Variants in LRRTM4 observed in about 807,000 individuals in gnomAD.
The protein encoded by LRRTM4 is leucine-rich repeat transmembrane neuronal protein 4.
LRRTM4 carries 25 observed loss-of-function variants against 47.6 expected under a neutral mutation model. That is an observed-to-expected ratio of 0.53 (90% CI 0.38 to 0.73). LRRTM4 has a LOEUF of 0.73. LRRTM4 is among the 30% of genes least tolerant of loss of function. The probability of loss-of-function intolerance (pLI) is 0.00; values close to 1 mark genes in which losing one functional copy is unlikely to be tolerated. For synonymous variants in LRRTM4, 311 were observed against 269.5 expected, an observed-to-expected ratio of 1.15 and a Z score of -1.51; for missense variants, 638 against 713.4, an observed-to-expected ratio of 0.89 and a Z score of 1.20.
intron 3 of LRRTM4, among the ~76,000 whole-genome samples, chr2:77,041,765 T>C (rs1447372619): frequency 1.7e-5 from 2 of 116,952 alleles, no homozygotes; most frequent in Non-Finnish European, 2.2e-5. Flanking sequence ...GCTAGTGAAT[T>C]GTTTGAGTTT....
At chr2:76,917,072 G>C (rs139973140) in intron 3 of LRRTM4, among the ~76,000 whole-genome samples, 67 of 152,202 alleles carry the variant, frequency 4.4e-4, no homozygotes, top group African/African-American at 1.6e-3. Flanking sequence ...TAGACCAGGG[G>C]TTGGCTACCT....
intron 3 of LRRTM4, among the ~76,000 whole-genome samples, chr2:77,011,737 A>T (rs1390268479): frequency 2.1e-4 from 32 of 152,112 alleles, no homozygotes; most frequent in Non-Finnish European, 1.5e-5. Flanking sequence ...CTTTATAGTT[A>T]ACATTATCTT....
At chr2:77,232,764 T>A (rs1675001139) in intron 3 of LRRTM4, among the ~76,000 whole-genome samples, 1 of 152,192 alleles carries the variant, frequency 6.6e-6, no homozygotes, top group African/African-American at 2.4e-5. Flanking sequence ...TATTACTAAA[T>A]TAGAACTTTA....
chr2:77,107,023 C>A (rs1671110925), intron 3 of LRRTM4, among the ~76,000 whole-genome samples: 1 of 151,948 alleles, frequency 6.6e-6, no homozygotes, highest in Non-Finnish European at 1.5e-5. Flanking sequence ...GTACATTTTT[C>A]TCAGCAATTT....
At chr2:77,051,518 T>C (rs1679430880) in intron 3 of LRRTM4, among the ~76,000 whole-genome samples, 1 of 152,174 alleles carries the variant, frequency 6.6e-6, no homozygotes, top group Non-Finnish European at 1.5e-5. Flanking sequence ...ATCATCTTAA[T>C]GCCTAAGACT....
intron 3 of LRRTM4, among the ~76,000 whole-genome samples, chr2:76,769,133 T>C (rs747300040): frequency 5.9e-5 from 9 of 152,084 alleles, no homozygotes; most frequent in Non-Finnish European, 1.0e-4. Flanking sequence ...TTCATGACCA[T>C]AAAAAGAGGC....
chr2:76,958,336 C>T (rs1419881967), intron 3 of LRRTM4, among the ~76,000 whole-genome samples: 1 of 151,712 alleles, frequency 6.6e-6, no homozygotes, highest in Admixed American at 6.6e-5. Context: ...GGTTTTCTGG[C>T]ATTGTGTACT....
intron 3 of LRRTM4, among the ~76,000 whole-genome samples, chr2:77,222,716 T>G (rs964890520): frequency 6.6e-6 from 1 of 152,132 alleles, no homozygotes; most frequent in Non-Finnish European, 1.5e-5. Flanking sequence ...CAATAATTAA[T>G]AGCTTACCAA....
At chr2:77,168,067 A>G (rs1483976526) in intron 3 of LRRTM4, among the ~76,000 whole-genome samples, 1 of 151,868 alleles carries the variant, frequency 6.6e-6, no homozygotes, top group African/African-American at 2.4e-5. Flanking sequence ...TTTTTGCAAT[A>G]CCCTTACTTT....
chr2:77,141,854 T>G (rs1239730164), intron 3 of LRRTM4, among the ~76,000 whole-genome samples: 1 of 152,138 alleles, frequency 6.6e-6, no homozygotes, highest in African/African-American at 2.4e-5. Flanking sequence ...AATCAACAGT[T>G]AAGAAAACAG....
chr2:77,226,293 G>A (rs897014704), intron 3 of LRRTM4, among the ~76,000 whole-genome samples: 18 of 151,606 alleles, frequency 1.2e-4, no homozygotes, highest in African/African-American at 4.3e-4. Flanking sequence ...GATGAGCACA[G>A]GTACGGTCAG....
At chr2:77,416,377 A>G (rs1479242812) in intron 3 of LRRTM4, among the ~76,000 whole-genome samples, 1 of 152,106 alleles carries the variant, frequency 6.6e-6, no homozygotes, top group Non-Finnish European at 1.5e-5. Flanking sequence ...CTACTTGTAG[A>G]TTGTTCAGTC....
Position 76,752,584 on chromosome 2 carries a change from C to A in LRRTM4, c.1552-3668G>T, listed in dbSNP as rs543873116. ...ATAGCAAGAATTCAAAAGCCAAGTG[C>A]ATTGGCAAGCTTTGAAAGAGTATCT... On this transcript the variant is annotated intron_variant, in intron 3 of 3. Coordinates refer to ENST00000409884, the MANE Select transcript of LRRTM4 (RefSeq NM_001134745.3). Among the ~76,000 whole-genome samples, 39 of 152,236 alleles carry A rather than the reference C, an allele frequency of 2.6e-4. 1 individual carries two copies. In the South Asian group the frequency reaches 6.4e-3, roughly 25 times the overall value.
chr2:76,963,968 C>T (rs1675944237), intron 3 of LRRTM4, among the ~76,000 whole-genome samples: 1 of 150,368 alleles, frequency 6.7e-6, no homozygotes, highest in East Asian at 2.0e-4. Flanking sequence ...TTTTTATGGC[C>T]TACTGTATTA....
chr2:76,816,943 GCA>G lies in LRRTM4; in HGVS notation c.1552-68029_1552-68028del, dbSNP rs1418693289. Among the ~76,000 whole-genome samples the G allele has an allele frequency of 5.5e-3, 823 of 148,328 alleles. 8 individuals are homozygous for G. Among genetic ancestry groups the G allele is most frequent in the African/African-American group, 0.019 (786 of 40,508 alleles). On this transcript the variant is annotated intron_variant, in intron 3 of 3. Coordinates refer to ENST00000409884, the MANE Select transcript of LRRTM4 (RefSeq NM_001134745.3). ...TTTCATGTTTGCGGGAAGTGTACAT[GCA>G]GAGTATTGCAGTCTATAGAGTCAAA...
At chr2:77,074,615 T>TA (rs1261658986) in intron 3 of LRRTM4, among the ~76,000 whole-genome samples, 10 of 152,148 alleles carry the variant, frequency 6.6e-5, no homozygotes, top group Admixed American at 2.0e-4. Flanking sequence ...GCTGGATATA[T>TA]TTTTTATCAC....
At chr2:76,877,155 CTCTG>C (rs1164707826) in intron 3 of LRRTM4, among the ~76,000 whole-genome samples, 3 of 152,144 alleles carry the variant, frequency 2.0e-5, no homozygotes, top group African/African-American at 4.8e-5. Context: ...TTTGAGCAGT[CTCTG>C]TCTGCTCTGT....
At chr2:76,868,188 G>A (rs954258030) in intron 3 of LRRTM4, among the ~76,000 whole-genome samples, 1 of 152,136 alleles carries the variant, frequency 6.6e-6, no homozygotes, top group Non-Finnish European at 1.5e-5. Flanking sequence ...ACCATAGTAA[G>A]ATTTTAGAAT....
chr2:77,160,480 C>T (rs1187791711), intron 3 of LRRTM4, among the ~76,000 whole-genome samples: 3 of 148,502 alleles, frequency 2.0e-5, no homozygotes, highest in Non-Finnish European at 4.5e-5. Flanking sequence ...TTCCATATAG[C>T]CAAAGGACAT....
Sources: allele counts gnomAD v4.1 joint callset (sites outside exome capture counted in the v4.1 genomes callset), GRCh38; gene constraint gnomAD v4.1.1; transcripts MANE v1.5; gene names NCBI Gene and HGNC (gene_info 2026-07-23, HGNC 2026-07-21).